Variants in VPS37A observed in about 807,000 individuals in gnomAD.
VPS37A encodes vacuolar protein sorting-associated protein 37A.
Under a neutral mutation model 49.8 loss-of-function variants are expected in VPS37A, and 30 were observed. The observed-to-expected ratio is 0.60, with a 90% CI of 0.45 to 0.82. The LOEUF (loss-of-function observed/expected upper bound fraction) is 0.82, where lower values mean the gene tolerates loss of function less well. VPS37A is among the 40% of genes least tolerant of loss of function. The pLI is 0.00. For missense variants in VPS37A, 593 were observed against 464.4 expected, an observed-to-expected ratio of 1.28 and a Z score of -2.55; for synonymous variants, 195 against 160.6, an observed-to-expected ratio of 1.21 and a Z score of -1.62.
intron 11 of VPS37A, among the ~76,000 whole-genome samples, chr8:17,287,593 G>C (rs1039846798): frequency 2.0e-5 from 3 of 151,924 alleles, no homozygotes; most frequent in African/African-American, 7.3e-5. Context: ...CAGGAGAATG[G>C]CATGAACCTG....
At chr8:17,317,341 G>A in the VPS37A span, among the ~76,000 whole-genome samples, 8 of 152,176 alleles carry the variant, frequency 5.3e-5, no homozygotes, top group Non-Finnish European at 8.8e-5. Context: ...CTTTGTCTTC[G>A]ATGTTTGTAG....
chr8:17,315,322 G>T, the VPS37A span, among the ~76,000 whole-genome samples: 3 of 152,136 alleles, frequency 2.0e-5, no homozygotes, highest in African/African-American at 7.2e-5. Flanking sequence ...AAAATCAGCG[G>T]CTGCCAGGGG....
intron 11 of VPS37A, 42 bp downstream of exon 11, chr8:17,286,469 A>G (rs772606155): frequency 2.4e-5 from 37 of 1,561,694 alleles, no homozygotes; most frequent in Non-Finnish European, 3.3e-5. Flanking sequence ...TGATTGCATC[A>G]GTGTTCTTTA....
chr8:17,300,191 A>G (rs971171739), downstream of VPS37A: 6 of 1,612,044 alleles, frequency 3.7e-6, no homozygotes, highest in African/African-American at 5.3e-5. Context: ...ACCTTAGTGC[A>G]ATTTAACTGG....
At position 17,295,805 on chromosome 8, in the gene VPS37A, C is replaced by G. The variant is rs1816580600; in HGVS notation, c.*819C>G. ...CACTAAATCTATACACAAAAAAAGT[C>G]AGTGAACTTTTCTGACCTTTACTGT... On this transcript the variant is annotated 3_prime_UTR_variant, in exon 12 of 12. Transcript: ENST00000324849. The G allele has an allele frequency of 6.6e-6, 1 of 152,082 alleles. No individual in the cohort carries two copies. Among genetic ancestry groups the G allele is most frequent in the Non-Finnish European group, 1.5e-5 (1 of 68,000 alleles). 9.4% of individuals were successfully genotyped at this position (152,082 alleles called of 1,614,324 possible).
intron 11 of VPS37A, among the ~76,000 whole-genome samples, chr8:17,291,050 G>C (rs187207202): frequency 7.2e-5 from 11 of 152,252 alleles, no homozygotes; most frequent in African/African-American, 2.2e-4. Flanking sequence ...CTCTCATTCT[G>C]TTGCCCAGGC....
chr8:17,306,955 A>T (rs963018798), downstream of VPS37A, among the ~76,000 whole-genome samples: 4 of 152,198 alleles, frequency 2.6e-5, no homozygotes, highest in East Asian at 1.9e-4. Context: ...AACCTAGGCA[A>T]TACCATTCAG....
At chr8:17,300,379 T>C (rs1653660875), downstream of VPS37A, 4 of 768,728 alleles carry the variant, frequency 5.2e-6, no homozygotes, top group Middle Eastern at 7.7e-4. Flanking sequence ...CTTCACGACC[T>C]TGGACAAAAT....
At chr8:17,317,449 C>G in the VPS37A span, among the ~76,000 whole-genome samples, 1 of 152,184 alleles carries the variant, frequency 6.6e-6, no homozygotes, top group African/African-American at 2.4e-5. Flanking sequence ...CTCATTCTTC[C>G]ATACTTACAC....
chr8:17,260,144 A>G (rs541100678), intron 1 of VPS37A, among the ~76,000 whole-genome samples: 1 of 151,970 alleles, frequency 6.6e-6, no homozygotes, highest in South Asian at 2.1e-4. Context: ...TTCCTTTCTT[A>G]CTATCTTCCT....
chr8:17,250,341 C>T (rs1585906510), intron 1 of VPS37A, among the ~76,000 whole-genome samples: 1 of 152,254 alleles, frequency 6.6e-6, no homozygotes, highest in Non-Finnish European at 1.5e-5. Context: ...ATTAGTGGTA[C>T]GACTTACACT....
chr8:17,269,760 C>T (rs1813804788), intron 4 of VPS37A, among the ~76,000 whole-genome samples: 1 of 152,122 alleles, frequency 6.6e-6, no homozygotes, highest in Non-Finnish European at 1.5e-5. Flanking sequence ...TTTTCCCTTT[C>T]TCAGGCCATT....
At chr8:17,322,449 C>T in the VPS37A span, among the ~76,000 whole-genome samples, 1 of 152,114 alleles carries the variant, frequency 6.6e-6, no homozygotes, top group African/African-American at 2.4e-5. Context: ...TCATGGTAAC[C>T]TGTACTATCC....
the VPS37A span, chr8:17,311,422 G>C: frequency 6.5e-7 from 1 of 1,549,294 alleles, no homozygotes; most frequent in East Asian, 2.3e-5. Flanking sequence ...ATGCTGGCAA[G>C]AAAACAGCAG....
Position 17,248,778 on chromosome 8 carries a change from T to A in VPS37A, c.125+1409T>A, listed in dbSNP as rs543312688. On this transcript the variant is annotated intron_variant, in intron 1 of 11. Coordinates refer to ENST00000324849, the MANE Select transcript of VPS37A (RefSeq NM_152415.3). Reference sequence around the variant, plus strand: ...GTTTCTTGGTTCGTTGTCTCAATTGTTCTGTTTGTTCAGAACTTTCAAAAG... The same window carrying A: ...GTTTCTTGGTTCGTTGTCTCAATTGATCTGTTTGTTCAGAACTTTCAAAAG... 3.9e-5 allele frequency among the ~76,000 whole-genome samples: 6 copies of A among 152,344 alleles called. No individual in the cohort carries two copies. The South Asian group carries it at 1.2e-3, about 32-fold the overall frequency.
At chr8:17,284,059 A>T (rs1324686261) in intron 9 of VPS37A, among the ~76,000 whole-genome samples, 1 of 152,156 alleles carries the variant, frequency 6.6e-6, no homozygotes, top group East Asian at 1.9e-4. Flanking sequence ...ATTTAATCCC[A>T]TCATTTTTGC....
chr8:17,288,966 A>G (rs930909123), intron 11 of VPS37A, among the ~76,000 whole-genome samples: 1 of 152,150 alleles, frequency 6.6e-6, no homozygotes, highest in African/African-American at 2.4e-5. Context: ...GTCTCTAGTG[A>G]CCAGTGATGA....
chr8:17,307,012 T>G (rs13274064), downstream of VPS37A, among the ~76,000 whole-genome samples: 2 of 151,966 alleles, frequency 1.3e-5, no homozygotes, highest in Admixed American at 6.6e-5. Context: ...CCAAAAGCAA[T>G]GGCAGCAAAA....
At chr8:17,255,500 G>GTGTGTGTGTA (rs1423455726) in intron 1 of VPS37A, among the ~76,000 whole-genome samples, 1 of 151,844 alleles carries the variant, frequency 6.6e-6, no homozygotes, top group Non-Finnish European at 1.5e-5. Flanking sequence ...ATATGTGTGT[G>GTGTGTGTGTA]TGTGTGTGTA....
Sources: gnomAD v4.1 joint callset for allele counts (sites outside exome capture counted in the v4.1 genomes callset) on GRCh38, gnomAD v4.1.1 for gene constraint, MANE v1.5 for transcripts, NCBI Gene and HGNC (gene_info 2026-07-23, HGNC 2026-07-21) for gene names.